MYO15A: variants seen among roughly 807,000 people sequenced by gnomAD.
The protein encoded by MYO15A is unconventional myosin-XV.
In MYO15A, 308 loss-of-function variants were observed where a neutral mutation model predicts 394.6. The observed-to-expected ratio is 0.78, with a 90% confidence interval of 0.71 to 0.86. The LOEUF (loss-of-function observed/expected upper bound fraction) is 0.86, where lower values mean the gene tolerates loss of function less well. Among genes scored for constraint, MYO15A ranks in the 40% least tolerant of loss-of-function variants. The pLI, the probability that MYO15A is intolerant of heterozygous loss-of-function variation, is 0.00. For synonymous variants in MYO15A, 1,957 were observed against 2,003.8 expected (o/e 0.98, Z 0.62); for missense variants, 4,606 against 4,799.1 (o/e 0.96, Z 1.19).
At chr17:18,170,452 G>A (rs572503799) in intron 62 of MYO15A, among the ~76,000 whole-genome samples, 1 of 151,660 alleles carries the variant, frequency 6.6e-6, no homozygotes, top group African/African-American at 2.4e-5. Context: ...TTGACCTCTT[G>A]GGCTCAAGTG....
At chr17:18,143,016 G>A (rs1202579114) in intron 25 of MYO15A, among the ~76,000 whole-genome samples, 176 bp downstream of exon 25, 1 of 152,160 alleles carries the variant, frequency 6.6e-6, no homozygotes. Context: ...TCTACCCCTT[G>A]GGATTGTGGA....
chr17:18,145,816 G>A, intron 29 of MYO15A, 56 bp from the exon 30 acceptor site: 3 of 1,524,650 alleles, frequency 2.0e-6, no homozygotes, highest in Non-Finnish European at 2.7e-6. Context: ...GTTGTGGGGT[G>A]GGGACTGGAA....
chr17:18,144,075 T>G (rs2046433896), intron 28 of MYO15A, 75 bp downstream of exon 28: 1 of 1,598,686 alleles, frequency 6.3e-7, no homozygotes, highest in Non-Finnish European at 8.5e-7. Flanking sequence ...GTCCTTGCCC[T>G]GGGGCAGGCT....
intron 7 of MYO15A, among the ~76,000 whole-genome samples, 163 bp downstream of exon 7, chr17:18,127,328 A>AG (rs769090700): frequency 5.9e-5 from 9 of 152,144 alleles, no homozygotes; most frequent in Non-Finnish European, 1.2e-4. Flanking sequence ...CACCCTTCCC[A>AG]GGGGTGTGCC....
At chr17:18,129,224 T>C (rs1293505677) in intron 7 of MYO15A, among the ~76,000 whole-genome samples, 2 of 152,232 alleles carry the variant, frequency 1.3e-5, no homozygotes, top group Admixed American at 1.3e-4. Context: ...GCACAGGGAA[T>C]GCTCTGCCCT....
intron 2 of MYO15A, 70 bp from the exon 3 acceptor site, chr17:18,124,413 C>T: frequency 6.5e-7 from 1 of 1,532,216 alleles, no homozygotes; most frequent in Non-Finnish European, 8.9e-7. Flanking sequence ...CCAGGTATGA[C>T]CAAGCCAGGG....
At chr17:18,162,192 T>C (rs2046786344) in intron 57 of MYO15A, among the ~76,000 whole-genome samples, 1 of 151,714 alleles carries the variant, frequency 6.6e-6, no homozygotes, top group African/African-American at 2.4e-5. Context: ...GAGGCCTGGG[T>C]GAGGGAGGGC....
rs765495851 is a variant in MYO15A at position 18,118,904 on chromosome 17, G to A, written c.104G>A (p.Arg35Gln). 5.0e-6 allele frequency: 8 copies of A among 1,613,798 alleles called. No homozygotes were observed. In the East Asian group the frequency reaches 6.7e-5, roughly 13 times the overall value. Reference protein sequence around the residue: ...KPKRSLKGTSRLFMGFRDRTP... With the variant: ...KPKRSLKGTSQLFMGFRDRTP... ...AAACGGAGCCTGAAGGGGACGTCGCGGCTGTTCATGGGCTTCCGCGACCGT... is the reference window on the plus strand; with the variant it reads ...AAACGGAGCCTGAAGGGGACGTCGCAGCTGTTCATGGGCTTCCGCGACCGT... Residue 35 changes from arginine to glutamine, a missense_variant, in exon 2 of 66, where the codon CGG becomes CAG. Around this residue, in one of 2 missense-constraint regions of MYO15A, gnomAD observed 1,830 missense variants for 1,689.7 expected, o/e 1.08. Transcript: ENST00000647165.
At chr17:18,174,594 A>T (rs2046987938) in intron 65 of MYO15A, among the ~76,000 whole-genome samples, 1 of 152,198 alleles carries the variant, frequency 6.6e-6, no homozygotes, top group Non-Finnish European at 1.5e-5. Context: ...TGGGTGACAA[A>T]GTGAGACCCC....
In MYO15A at chr17:18,120,990, G is replaced by A; in HGVS notation, c.2190G>A (p.Glu730=). ...TGGAGCCCCCTGCCGTGAGCCCGGA[G>A]GTGCCCCCCGACCTACTAGCCTTCC... The part of the protein sequence containing the change: ...AFVEPPAVSP[E]VPPDLLAFPG... Residue 730 remains glutamate (E), a synonymous_variant, in exon 2 of 66, where the codon GAG becomes GAA. Transcript: ENST00000647165. 3 of 1,503,748 alleles carry A rather than the reference G, an allele frequency of 2.0e-6. No homozygotes were observed. The highest frequency in any genetic ancestry group is 2.5e-5 in the South Asian group (2 of 80,828). The allele number at this position is 1,503,748 out of a possible 1,614,324, so 93.2% of individuals were successfully genotyped here. A position where few individuals can be genotyped will look rare whatever the true frequency, so the allele number is the denominator to read the frequency against.
chr17:18,146,061 C>T lies in MYO15A; in HGVS notation c.6463C>T (p.Leu2155Phe), dbSNP rs779026723. ...ERGWLLLAAC[L>F]SGFAPSPCFN... is the part of the protein sequence containing the mutation. Reference sequence around the variant, plus strand: ...GGGCTGGCTGCTGCTGGCCGCCTGCCTCAGTGGCTTTGCACCTTCCCCGTG... The same window carrying T: ...GGGCTGGCTGCTGCTGGCCGCCTGCTTCAGTGGCTTTGCACCTTCCCCGTG... Residue 2155 changes from leucine to phenylalanine, a missense_variant, in exon 30 of 66, where the codon CTC (leucine) becomes TTC (phenylalanine). Leu to Phe is a conservative substitution (Grantham distance 22). Coordinates refer to ENST00000647165, the MANE Select transcript of MYO15A (RefSeq NM_016239.4). The T allele has an allele frequency of 1.7e-5, 27 of 1,613,822 alleles. No homozygotes were observed. The African/African-American group carries it at 3.5e-4, about 21-fold the overall frequency.
rs2046286786 is a variant in MYO15A at position 18,136,802 on chromosome 17, C to T, written c.4779+116C>T. ...GTGCCTGCAGCAGGTGCCATCCTCCCTTCATGGACCCCTCCCTGTCACCAT... is the reference window on the plus strand; with the variant it reads ...GTGCCTGCAGCAGGTGCCATCCTCCTTTCATGGACCCCTCCCTGTCACCAT... On this transcript the variant is annotated intron_variant, in intron 15 of 65. Coordinates refer to ENST00000647165, the MANE Select transcript of MYO15A (RefSeq NM_016239.4). 3 of 1,382,352 alleles carry T rather than the reference C, an allele frequency of 2.2e-6. No homozygotes were observed. In the African/African-American group the frequency reaches 4.3e-5, roughly 20 times the overall value. 85.6% of individuals were successfully genotyped at this position (1,382,352 alleles called of 1,614,324 possible).
chr17:18,156,303 C>T lies in MYO15A; in HGVS notation c.8568C>T (p.Thr2856=), dbSNP rs1355832888. 2 of 1,614,034 alleles carry T rather than the reference C, an allele frequency of 1.2e-6. No homozygotes were observed. Among genetic ancestry groups the T allele is most frequent in the Admixed American group, 3.3e-5 (2 of 59,996 alleles). Residue 2856 remains threonine, a synonymous_variant, in exon 48 of 66, where the codon ACC becomes ACT. Coordinates refer to ENST00000647165, the MANE Select transcript of MYO15A (RefSeq NM_016239.4). ...LFSARAHQVK[T]LVDDFILELK... Reference sequence around the variant, plus strand: ...CAGCCCGAGCGCACCAGGTCAAGACCCTGGTAGATGACTTCATCTTGGAGC... The same window carrying T: ...CAGCCCGAGCGCACCAGGTCAAGACTCTGGTAGATGACTTCATCTTGGAGC...
chr17:18,146,214 G>C, intron 30 of MYO15A, 107 bp downstream of exon 30: 1 of 1,215,462 alleles, frequency 8.2e-7, no homozygotes, highest in Non-Finnish European at 1.2e-6. Context: ...TCTATGCTGG[G>C]AAGCTCAGGC....
At position 18,126,397 on chromosome 17, in the gene MYO15A, A is replaced by G. The variant is rs766863440; in HGVS notation, c.3807A>G (p.Gly1269=). 20 of 1,613,700 alleles carry G rather than the reference A, an allele frequency of 1.2e-5. No homozygotes were observed. Among genetic ancestry groups the G allele is most frequent in the Non-Finnish European group, 1.7e-5 (20 of 1,179,996 alleles). The change falls in exon 5 of 66, where the codon GGA becomes GGG. Residue 1269 remains glycine (G), a synonymous_variant. Coordinates refer to ENST00000647165, the MANE Select transcript of MYO15A (RefSeq NM_016239.4). The part of the protein sequence containing the change: ...LVSVNPYQMF[G]IYGPEQVQQY... ...CGGTGAACCCATACCAAATGTTTGG[A>G]ATCTATGGGCCGGAGCAGGTGCAGC...
intron 1 of MYO15A, among the ~76,000 whole-genome samples, chr17:18,111,341 G>GAAAAAAAAAAA (rs57095827): frequency 8.4e-6 from 1 of 118,950 alleles, no homozygotes; most frequent in Non-Finnish European, 1.9e-5. Context: ...TCTCAAAAGA[G>GAAAAAAAAAAA]AAAAAAAAAA....
chr17:18,160,142 C>A, intron 56 of MYO15A, 125 bp downstream of exon 56: 1 of 900,020 alleles, frequency 1.1e-6, no homozygotes, highest in Non-Finnish European at 1.8e-6. Context: ...CCCTCATCCT[C>A]ACTCAATAGA....
In MYO15A at chr17:18,157,076, C is replaced by A. The variant is rs2046687465; in HGVS notation, c.8713+11C>A. On this transcript the variant is annotated intron_variant, in intron 49 of 65. Transcript: ENST00000647165. ...AGCCACCTCGAGTGGGTCAGTGCCA[C>A]TGGGGTGGGCTGGGGGCAGGAGGGG... 6.2e-7 allele frequency: 1 copy of A among 1,613,548 alleles called. No homozygotes were observed. Among genetic ancestry groups the A allele is most frequent in the African/African-American group, 1.3e-5 (1 of 74,942 alleles).
Position 18,120,207 on chromosome 17 carries a change from C to T in MYO15A, c.1407C>T (p.Ser469=). The T allele has an allele frequency of 2.5e-6, 4 of 1,612,894 alleles. No homozygotes were observed. In the South Asian group the frequency reaches 4.4e-5, roughly 18 times the overall value. Residue 469 remains serine (S), a synonymous_variant, in exon 2 of 66, where the codon TCC becomes TCT. Transcript: ENST00000647165. ...AAGGCATGGATAAGCCCGCCAGGTC[C>T]AAGCTGTCCCTCATCCGCAAGTTCC... ...EQQGMDKPAR[S]KLSLIRKFRL...
Sources: allele counts gnomAD v4.1 joint callset (sites outside exome capture counted in the v4.1 genomes callset), GRCh38; gene constraint gnomAD v4.1.1; regional missense constraint gnomAD v4.1.1; transcripts MANE v1.5; gene names NCBI Gene and HGNC (gene_info 2026-07-23, HGNC 2026-07-21).